The following SRGAP1 variants were observed in gnomAD, a reference collection of about 807,000 sequenced individuals.
SRGAP1 encodes SLIT-ROBO Rho GTPase activating protein 1.
SRGAP1 carries 43 observed loss-of-function variants against 121.9 expected under a neutral mutation model. The observed-to-expected ratio is 0.35, with a 90% CI of 0.28 to 0.46. The LOEUF (loss-of-function observed/expected upper bound fraction) is 0.46, where lower values mean the gene tolerates loss of function less well. Among genes scored for constraint, SRGAP1 ranks in the 20% least tolerant of loss-of-function variants. The pLI is 1.00. For synonymous variants in SRGAP1, 447 were observed against 485.4 expected, an observed-to-expected ratio of 0.92 and a Z score of 1.04; for missense variants, 1,102 against 1,350.9, an observed-to-expected ratio of 0.82 and a Z score of 2.89.
chr12:64,097,517 C>A, intron 15 of SRGAP1, 142 bp downstream of exon 15: 1 of 929,714 alleles, frequency 1.1e-6, no homozygotes, highest in Non-Finnish European at 1.5e-6. Flanking sequence ...TGTTTTCTTT[C>A]TGGATCCAGT....
rs75396908 is a variant in SRGAP1, at chr12:64,111,667, A to G, written c.1920-95A>G. The G allele has an allele frequency of 1.6e-3, 1,754 of 1,066,298 alleles. 22 individuals carry two copies. In the East Asian group the frequency reaches 0.04, roughly 25 times the overall value. The allele number at this position is 1,066,298 out of a possible 1,614,324, so 66.1% of individuals were successfully genotyped here. A position where few individuals can be genotyped will look rare whatever the true frequency, so the allele number is the denominator to read the frequency against. On this transcript the variant is annotated intron_variant, in intron 16 of 21. Coordinates refer to ENST00000355086, the MANE Select transcript of SRGAP1 (RefSeq NM_020762.4). ...TGCTGAGCCAACTTAAAGTTGAAGT[A>G]TCTTATTAAAGTATTGAAGTATCTT...
chr12:63,855,475 T>G (rs1486040022), intron 1 of SRGAP1, among the ~76,000 whole-genome samples: 1 of 45,112 alleles, frequency 2.2e-5, no homozygotes, highest in South Asian at 9.9e-4. Context: ...AAAATGGTGT[T>G]TTTTTTTTTT....
intron 1 of SRGAP1, among the ~76,000 whole-genome samples, chr12:63,883,148 G>C (rs1200235818): frequency 6.6e-6 from 1 of 152,152 alleles, no homozygotes; most frequent in South Asian, 2.1e-4. Context: ...ATTAAACCCT[G>C]AAAGTCTTCA....
chr12:63,943,782 C>G (rs945017843), intron 1 of SRGAP1, among the ~76,000 whole-genome samples: 9 of 152,102 alleles, frequency 5.9e-5, no homozygotes, highest in African/African-American at 2.2e-4. Context: ...GCAGAGAGAT[C>G]TGGGCCAACC....
chr12:64,141,585 G>C (rs1302774949), intron 21 of SRGAP1, among the ~76,000 whole-genome samples: 1 of 151,954 alleles, frequency 6.6e-6, no homozygotes, highest in African/African-American at 2.4e-5. Context: ...ATCTTGGGGG[G>C]GGAAAAAGTT....
chr12:64,067,920 C>CAA lies in SRGAP1; in HGVS notation c.1125+2713_1125+2714dup, dbSNP rs909886290. ...GGTAATGGAATGGGACCCTGTCTCC[C>CAA]AAAAAAAAAAAAAGTTGAGAGAGAA... On this transcript the variant is annotated intron_variant, in intron 8 of 21. Transcript: ENST00000355086. 7.1e-4 allele frequency among the ~76,000 whole-genome samples: 94 copies of CAA among 131,586 alleles called. 1 individual carries two copies. The highest frequency in any genetic ancestry group is 4.3e-3 in the Admixed American group (57 of 13,218). The allele number at this position is 131,586 out of a possible 152,430, so 86.3% of individuals were successfully genotyped here.
chr12:63,983,928 G>A lies in SRGAP1; in HGVS notation c.68-19G>A. ...TTAATTTTAATGTAACCATCCATTG[G>A]CTTCTCTTCTCTCCTTAGAAATTCG... On this transcript the variant is annotated intron_variant, in intron 1 of 21. Coordinates refer to ENST00000355086, the MANE Select transcript of SRGAP1 (RefSeq NM_020762.4). The A allele has an allele frequency of 7.1e-7, 1 of 1,405,600 alleles. No homozygotes were observed. Among genetic ancestry groups the A allele is most frequent in the Non-Finnish European group, 9.4e-7 (1 of 1,064,450 alleles). 87.1% of individuals were successfully genotyped at this position (1,405,600 alleles called of 1,614,324 possible).
intron 4 of SRGAP1, among the ~76,000 whole-genome samples, chr12:64,025,101 A>G (rs1018595894): frequency 2.6e-5 from 4 of 152,010 alleles, no homozygotes; most frequent in Admixed American, 2.6e-4. Context: ...CACAGAATCT[A>G]GCCTGGCCTT....
chr12:63,974,522 T>G (rs1396392380), intron 1 of SRGAP1, among the ~76,000 whole-genome samples: 1 of 152,172 alleles, frequency 6.6e-6, no homozygotes, highest in Non-Finnish European at 1.5e-5. Flanking sequence ...TATTTTCTTT[T>G]AATTTTTATT....
chr12:64,147,911 C>T lies in SRGAP1; in HGVS notation c.*5239C>T. On this transcript the variant is annotated 3_prime_UTR_variant, in exon 22 of 22. Coordinates refer to ENST00000355086, the MANE Select transcript of SRGAP1 (RefSeq NM_020762.4). Reference sequence around the variant, plus strand: ...TTCCTTTCATTCATCACTACTTTCTCCTTGACAGCTAGCTTGCATTAAATA... The same window carrying T: ...TTCCTTTCATTCATCACTACTTTCTTCTTGACAGCTAGCTTGCATTAAATA... 2.6e-6 allele frequency: 1 copy of T among 378,762 alleles called. No individual in the cohort carries two copies. Among genetic ancestry groups the T allele is most frequent in the Non-Finnish European group, 4.7e-6 (1 of 214,442 alleles). 23.5% of individuals were successfully genotyped at this position (378,762 alleles called of 1,614,324 possible).
At chr12:63,913,479 A>ATG (rs2030626592) in intron 1 of SRGAP1, among the ~76,000 whole-genome samples, 1 of 104,302 alleles carries the variant, frequency 9.6e-6, no homozygotes, top group Non-Finnish European at 1.9e-5. Context: ...ATATATATGG[A>ATG]TATATATATA....
chr12:63,883,436 A>G (rs1194746847), intron 1 of SRGAP1, among the ~76,000 whole-genome samples: 1 of 152,192 alleles, frequency 6.6e-6, no homozygotes, highest in African/African-American at 2.4e-5. Flanking sequence ...AGATTGACAC[A>G]TCTCATAGCA....
intron 1 of SRGAP1, among the ~76,000 whole-genome samples, chr12:63,933,574 C>T (rs2031557404): frequency 6.6e-6 from 1 of 152,130 alleles, no homozygotes; most frequent in Non-Finnish European, 1.5e-5. Flanking sequence ...ATATTGAAAA[C>T]ATCATATCTA....
At chr12:63,876,141 A>G (rs965445771) in intron 1 of SRGAP1, among the ~76,000 whole-genome samples, 2 of 152,214 alleles carry the variant, frequency 1.3e-5, no homozygotes, top group African/African-American at 2.4e-5. Flanking sequence ...AACTGAAAAG[A>G]TTGAAGAAAT....
chr12:63,978,550 G>A (rs2033155509), intron 1 of SRGAP1, among the ~76,000 whole-genome samples: 1 of 152,114 alleles, frequency 6.6e-6, no homozygotes, highest in Admixed American at 6.5e-5. Context: ...TCCTTTTTAT[G>A]GCTAAACAGT....
chr12:64,094,862 C>G, intron 12 of SRGAP1, 70 bp from the exon 13 acceptor site: 2 of 1,406,042 alleles, frequency 1.4e-6, no homozygotes, highest in South Asian at 2.4e-5. Context: ...CTGTTAAACT[C>G]TAAGCCTTAT....
intron 4 of SRGAP1, among the ~76,000 whole-genome samples, chr12:64,041,655 T>C (rs2035027612): frequency 6.6e-6 from 1 of 151,752 alleles, no homozygotes; most frequent in African/African-American, 2.4e-5. Context: ...CAAAATGTGC[T>C]GGGATTACAA....
At chr12:63,980,646 T>C (rs1017070839) in intron 1 of SRGAP1, among the ~76,000 whole-genome samples, 5 of 150,932 alleles carry the variant, frequency 3.3e-5, no homozygotes, top group Non-Finnish European at 7.4e-5. Flanking sequence ...CAGGCTAGAG[T>C]GCAGTGGTGC....
intron 4 of SRGAP1, among the ~76,000 whole-genome samples, chr12:64,030,962 A>G (rs994095944): frequency 2.6e-5 from 4 of 152,228 alleles, no homozygotes; most frequent in African/African-American, 9.6e-5. Context: ...TCTCAGGTCA[A>G]CAGAACCAGA....
Sources: gnomAD v4.1 joint callset for allele counts (sites outside exome capture counted in the v4.1 genomes callset) on GRCh38, gnomAD v4.1.1 for gene constraint, MANE v1.5 for transcripts, NCBI Gene and HGNC (gene_info 2026-07-23, HGNC 2026-07-21) for gene names.